RNLS: variants seen among roughly 807,000 people sequenced by gnomAD.
The protein encoded by RNLS is renalase, FAD dependent amine oxidase, also known as renalase.
Under a neutral mutation model 39.8 loss-of-function variants are expected in RNLS, and 39 were observed. That is an observed-to-expected ratio of 0.98 (90% CI 0.76 to 1.28). The LOEUF is 1.28. Ranked by LOEUF, RNLS falls within the 50% of genes most tolerant of loss-of-function variation. RNLS has a pLI of 0.00. For missense variants in RNLS, 410 were observed against 413.3 expected, an observed-to-expected ratio of 0.99 and a Z score of 0.07; for synonymous variants, 147 against 150.7, an observed-to-expected ratio of 0.98 and a Z score of 0.18.
At chr10:88,265,768 G>T in the RNLS span, among the ~76,000 whole-genome samples, 1 of 152,110 alleles carries the variant, frequency 6.6e-6, no homozygotes, top group Non-Finnish European at 1.5e-5. Context: ...CTTCTTTAGA[G>T]TGTTGTTCTA....
chr10:88,453,364 C>T (rs1842457797), intron 4 of RNLS, among the ~76,000 whole-genome samples: 1 of 152,220 alleles, frequency 6.6e-6, no homozygotes, highest in South Asian at 2.1e-4. Context: ...CATCCAATGA[C>T]TGGGTGATAG....
At chr10:88,566,721 A>G (rs1849520708) in intron 4 of RNLS, among the ~76,000 whole-genome samples, 1 of 152,196 alleles carries the variant, frequency 6.6e-6, no homozygotes, top group Admixed American at 6.5e-5. Context: ...AGTTAAAAGA[A>G]AACAGAAGCT....
chr10:88,583,063 G>C lies in RNLS; in HGVS notation c.118+10C>G, dbSNP rs771638398. On this transcript the variant is annotated intron_variant, in intron 1 of 6. Coordinates refer to ENST00000331772, the MANE Select transcript of RNLS (RefSeq NM_001031709.3). ...CTCTTTTCCCAGGTTTTGGCGTTTA[G>C]ACAACCCACCTGAGTCCTCAGCCTT... 3.1e-6 allele frequency: 5 copies of C among 1,608,434 alleles called. No individual in the cohort carries two copies. The highest frequency in any genetic ancestry group is 3.4e-6 in the Non-Finnish European group (4 of 1,176,696).
chr10:88,393,596 T>C (rs980284287), intron 4 of RNLS, among the ~76,000 whole-genome samples: 2 of 152,042 alleles, frequency 1.3e-5, no homozygotes, highest in African/African-American at 4.8e-5. Context: ...AGAATCAATA[T>C]CGTGAAAATG....
intron 4 of RNLS, among the ~76,000 whole-genome samples, chr10:88,393,934 C>A (rs901261537): frequency 1.3e-5 from 2 of 152,106 alleles, no homozygotes; most frequent in African/African-American, 2.4e-5. Flanking sequence ...CAAAAACAAG[C>A]AATGGGGAAA....
intron 5 of RNLS, among the ~76,000 whole-genome samples, chr10:88,327,764 G>A (rs1846734721): frequency 6.6e-6 from 1 of 152,060 alleles, no homozygotes; most frequent in South Asian, 2.1e-4. Flanking sequence ...ATGTACGTAT[G>A]TATGTATTTT....
chr10:88,375,517 G>A (rs982506021), intron 4 of RNLS, among the ~76,000 whole-genome samples: 1 of 152,106 alleles, frequency 6.6e-6, no homozygotes, highest in Non-Finnish European at 1.5e-5. Context: ...ACTTTTTCAG[G>A]CAAGCCTGAG....
intron 3 of RNLS, among the ~76,000 whole-genome samples, chr10:88,578,546 C>G (rs1441419554): frequency 6.6e-6 from 1 of 151,870 alleles, no homozygotes; most frequent in Non-Finnish European, 1.5e-5. Context: ...AGAGGAGAAT[C>G]TCGAAGTATT....
intron 4 of RNLS, among the ~76,000 whole-genome samples, chr10:88,524,664 G>A (rs1846971943): frequency 6.6e-6 from 1 of 151,728 alleles, no homozygotes; most frequent in Admixed American, 6.6e-5. Context: ...ATGTGCCTAT[G>A]TCTACCATGT....
the RNLS span, among the ~76,000 whole-genome samples, chr10:88,183,883 G>A: frequency 6.6e-6 from 1 of 152,154 alleles, no homozygotes; most frequent in Non-Finnish European, 1.5e-5. Flanking sequence ...TGGCGATACT[G>A]AGACTTTTGC....
At chr10:88,320,802 AAAT>A (rs1273332958) in intron 5 of RNLS, among the ~76,000 whole-genome samples, 1 of 149,880 alleles carries the variant, frequency 6.7e-6, no homozygotes, top group East Asian at 1.9e-4. Flanking sequence ...TTTAGAAAAC[AAAT>A]ACTACTAGAC....
chr10:88,283,784 G>T (rs144618333), downstream of RNLS, among the ~76,000 whole-genome samples: 1 of 152,092 alleles, frequency 6.6e-6, no homozygotes, highest in East Asian at 1.9e-4. Flanking sequence ...ACATACAGGG[G>T]ACAACAGAAA....
chr10:88,263,738 C>T, the RNLS span, among the ~76,000 whole-genome samples: 109 of 152,262 alleles, frequency 7.2e-4, no homozygotes, highest in African/African-American at 2.5e-3. Context: ...AACTAGGTTA[C>T]TTTAGGCAGA....
chr10:88,367,072 TAATATATATAATGTA>T (rs1850177302), intron 4 of RNLS, among the ~76,000 whole-genome samples: 1 of 151,926 alleles, frequency 6.6e-6, no homozygotes, highest in Non-Finnish European at 1.5e-5. Flanking sequence ...CATAAATATA[TAATATATATAATGTA>T]AATTTTAATA....
intron 4 of RNLS, among the ~76,000 whole-genome samples, chr10:88,504,773 G>A (rs1401911155): frequency 6.6e-6 from 1 of 151,474 alleles, no homozygotes; most frequent in Non-Finnish European, 1.5e-5. Context: ...GTTATTGTTG[G>A]TTGAAGTATT....
chr10:88,180,859 T>C, the RNLS span, among the ~76,000 whole-genome samples: 1 of 152,340 alleles, frequency 6.6e-6, no homozygotes, highest in East Asian at 1.9e-4. Flanking sequence ...TTTTTTAATT[T>C]TAATGTTTTT....
chr10:88,417,671 T>G (rs1225975211), intron 4 of RNLS, among the ~76,000 whole-genome samples: 2 of 152,218 alleles, frequency 1.3e-5, no homozygotes, highest in Non-Finnish European at 2.9e-5. Flanking sequence ...TTTAAATATC[T>G]GTGTTATTAT....
At chr10:88,306,120 T>C (rs534996843) in intron 6 of RNLS, among the ~76,000 whole-genome samples, 1 of 152,170 alleles carries the variant, frequency 6.6e-6, no homozygotes, top group Non-Finnish European at 1.5e-5. Context: ...AGGAATTTAT[T>C]TGAAATTAAT....
At chr10:88,579,900 G>A (rs1021164133) in intron 3 of RNLS, among the ~76,000 whole-genome samples, 3 of 152,146 alleles carry the variant, frequency 2.0e-5, no homozygotes, top group Non-Finnish European at 4.4e-5. Flanking sequence ...CCTCCCTAAT[G>A]TGGGTAGGCC....
Sources: gnomAD v4.1 joint callset for allele counts (sites outside exome capture counted in the v4.1 genomes callset) on GRCh38, gnomAD v4.1.1 for gene constraint, MANE v1.5 for transcripts, NCBI Gene and HGNC (gene_info 2026-07-23, HGNC 2026-07-21) for gene names.